Variants in SELENOO observed in about 807,000 individuals in gnomAD.
SELENOO encodes the protein selenoprotein O, also known as protein adenylyltransferase SelO, mitochondrial.
In SELENOO, 74 loss-of-function variants were observed where a neutral mutation model predicts 58.7. The observed-to-expected ratio is 1.26, with a 90% confidence interval of 1.04 to 1.53. SELENOO has a LOEUF of 1.53. SELENOO is among the 40% of genes most tolerant of loss of function. The probability of loss-of-function intolerance (pLI) is 0.00; values close to 1 mark genes in which losing one functional copy is unlikely to be tolerated. For missense variants in SELENOO, 1,149 were observed against 970.0 expected, an observed-to-expected ratio of 1.18 and a Z score of -2.45; for synonymous variants, 543 against 453.2, an observed-to-expected ratio of 1.20 and a Z score of -2.52.
Position 50,208,640 on chromosome 22 carries a change from T to C in SELENOO, c.863T>C (p.Ile288Thr). The change falls in exon 3 of 9, where the codon ATC (isoleucine) becomes ACC (threonine). Residue 288 changes from isoleucine to threonine, a missense_variant. By Grantham distance (89) the Ile-to-Thr change is moderately conservative. Coordinates refer to ENST00000380903, the MANE Select transcript of SELENOO (RefSeq NM_031454.2). ...CGAGTGCAGCTGCTCGACTATGTCA[T>C]CAGCTCCTTTTACCCCGAGATCCAG... Reference protein sequence around the residue: ...DIRVQLLDYVISSFYPEIQAA... With the variant: ...DIRVQLLDYVTSSFYPEIQAA... 1.2e-6 allele frequency: 2 copies of C among 1,613,834 alleles called. No homozygotes were observed. Among genetic ancestry groups the C allele is most frequent in the Non-Finnish European group, 1.7e-6 (2 of 1,179,976 alleles).
At chr22:50,213,348 C>T (rs186823085) in intron 5 of SELENOO, among the ~76,000 whole-genome samples, 241 of 152,306 alleles carry the variant, frequency 1.6e-3, no homozygotes, top group Non-Finnish European at 2.4e-3. Context: ...TGAGCCGCCG[C>T]GCCCAGCCAG....
chr22:50,217,582 A>G lies in SELENOO; in HGVS notation c.*213A>G. ...GTGCAGCCTGGTCCCTGGGGGCTGG[A>G]CCCAGGCTCCTAAATAAACCAGCAA... On this transcript the variant is annotated 3_prime_UTR_variant, in exon 9 of 9. Transcript: ENST00000380903. 1 of 953,410 alleles carries G rather than the reference A, an allele frequency of 1.0e-6. No homozygotes were observed. Among genetic ancestry groups the G allele is most frequent in the Non-Finnish European group, 1.5e-6 (1 of 650,820 alleles). The allele number at this position is 953,410 out of a possible 1,614,324, so 59.1% of individuals were successfully genotyped here.
chr22:50,210,040 C>A, intron 3 of SELENOO, 141 bp from the exon 4 acceptor site: 1 of 943,382 alleles, frequency 1.1e-6, no homozygotes, highest in Non-Finnish European at 1.6e-6. Flanking sequence ...GGTGACAGGA[C>A]ATCAGGAAGA....
In SELENOO at chr22:50,208,387, G is replaced by A. The variant is rs142043755; in HGVS notation, c.759-149G>A. On this transcript the variant is annotated intron_variant, in intron 2 of 8. Coordinates refer to ENST00000380903, the MANE Select transcript of SELENOO (RefSeq NM_031454.2). ...GGAGGTTGTGGTGAGGCGAGATCGC[G>A]CCACTGCACTCCAGCCTGGACAACA... The A allele has an allele frequency of 4.6e-3, 2,995 of 644,256 alleles. 14 individuals are homozygous for A. The highest frequency in any genetic ancestry group is 0.014 in the Middle Eastern group (51 of 3,540). The allele number at this position is 644,256 out of a possible 1,614,324, so 39.9% of individuals were successfully genotyped here.
At chr22:50,215,955 G>A in intron 6 of SELENOO, 88 bp downstream of exon 6, 1 of 1,265,188 alleles carries the variant, frequency 7.9e-7, no homozygotes, top group Non-Finnish European at 1.1e-6. Flanking sequence ...GCTAGAGACA[G>A]AGCTGGCTGG....
At chr22:50,210,412 G>A (rs553449121) in intron 4 of SELENOO, 101 bp downstream of exon 4, 2 of 1,458,590 alleles carry the variant, frequency 1.4e-6, no homozygotes, top group Non-Finnish European at 1.9e-6. Flanking sequence ...GATGCTTGAG[G>A]GGGAGCCGAG....
Position 50,217,012 on chromosome 22 carries a change from G to C in SELENOO, c.1729G>C (p.Ala577Pro). 1 of 1,611,502 alleles carries C rather than the reference G, an allele frequency of 6.2e-7. No individual in the cohort carries two copies. The highest frequency in any genetic ancestry group is 1.7e-5 in the Admixed American group (1 of 60,000). Reference sequence around the variant, plus strand: ...GGACCTGGAAGGCGCTGGGGACGCTGCCGCCTGGCAGGCTGAGCACGTGCG... The same window carrying C: ...GGACCTGGAAGGCGCTGGGGACGCTCCCGCCTGGCAGGCTGAGCACGTGCG... ...DKDLEGAGDA[A>P]AWQAEHVRVM... The change falls in exon 8 of 9, where the codon GCC becomes CCC. Residue 577 changes from alanine (A) to proline (P), a missense_variant. By Grantham distance (27) the Ala-to-Pro change is conservative (BLOSUM62 -1). Transcript: ENST00000380903.
At chr22:50,206,292 T>C in intron 1 of SELENOO, 25 bp from the exon 2 acceptor site, 2 of 1,609,400 alleles carry the variant, frequency 1.2e-6, no homozygotes, top group Non-Finnish European at 1.7e-6. Context: ...CCGGCCCACG[T>C]AGTGAACTCT....
chr22:50,206,923 G>A (rs570373191), intron 2 of SELENOO, among the ~76,000 whole-genome samples: 6 of 152,242 alleles, frequency 3.9e-5, no homozygotes, highest in African/African-American at 1.4e-4. Flanking sequence ...GCCTGAGGCT[G>A]GGGACAGTGT....
In SELENOO at chr22:50,201,075, G is replaced by T. The variant is rs1326824028; in HGVS notation, c.39G>T (p.Ala13=). ...GGGCAGCGCTCGGGGCTTCGCTCGC[G>T]GCTGCCCGACTCTTGCCCCTCGGTC... The part of the protein sequence containing the change: ...VYRAALGASL[A]AARLLPLGRC... Residue 13 remains alanine, a synonymous_variant, in exon 1 of 9, where the codon GCG becomes GCT. Transcript: ENST00000380903. 8.8e-6 allele frequency: 12 copies of T among 1,363,644 alleles called. No homozygotes were observed. Among genetic ancestry groups the T allele is most frequent in the Non-Finnish European group, 8.5e-6 (9 of 1,058,670 alleles). 84.5% of individuals were successfully genotyped at this position (1,363,644 alleles called of 1,614,324 possible). A position where few individuals can be genotyped will look rare whatever the true frequency, so the allele number is the denominator to read the frequency against.
rs1011306815 is a variant in SELENOO, at chr22:50,206,336, G to T, written c.574G>T (p.Val192Phe). 2.5e-6 allele frequency: 4 copies of T among 1,613,782 alleles called. No homozygotes were observed. In the African/African-American group the frequency reaches 5.3e-5, roughly 22 times the overall value. The change falls in exon 2 of 9, where the codon GTC becomes TTC. Residue 192 changes from valine (V) to phenylalanine (F), a missense_variant. By Grantham distance (50) the Val-to-Phe change is conservative (BLOSUM62 -1). Transcript: ENST00000380903. ...PFSRQADGRK[V>F]LRSSIREFLC... ...TTTCAGACAGGCCGACGGTCGCAAG[G>T]TCCTACGGTCAAGCATCCGGGAGTT...
intron 6 of SELENOO, 72 bp downstream of exon 6, chr22:50,215,939 G>C (rs1216443946): frequency 1.7e-5 from 23 of 1,393,154 alleles, no homozygotes; most frequent in Non-Finnish European, 2.3e-5. Context: ...AGAGGCTGGG[G>C]GAGAAGCTAG....
chr22:50,203,203 CT>C, intron 1 of SELENOO, among the ~76,000 whole-genome samples: 1 of 152,266 alleles, frequency 6.6e-6, no homozygotes. Flanking sequence ...AAGACCCTGT[CT>C]CTTCAAAAAA....
In SELENOO at chr22:50,210,880, G is replaced by T. The variant is rs551256883; in HGVS notation, c.1320G>T (p.Val440=). The change falls in exon 5 of 9, where the codon GTG becomes GTT. Residue 440 remains valine (V), a synonymous_variant. Coordinates refer to ENST00000380903, the MANE Select transcript of SELENOO (RefSeq NM_031454.2). ...QVELEEDGAL[V]SKLLETMHLT... Reference sequence around the variant, plus strand: ...AGCTGGAGGAAGACGGGGCGCTGGTGTCCAAGCTCCTGGAGACCATGCATC... The same window carrying T: ...AGCTGGAGGAAGACGGGGCGCTGGTTTCCAAGCTCCTGGAGACCATGCATC... 7 of 1,614,142 alleles carry T rather than the reference G, an allele frequency of 4.3e-6. No homozygotes were observed. Among genetic ancestry groups the T allele is most frequent in the Non-Finnish European group, 5.9e-6 (7 of 1,180,028 alleles).
Position 50,217,528 on chromosome 22 carries a change from ACCCGTCT to A in SELENOO, c.*161_*167del, listed in dbSNP as rs2064432282. The stretch of plus-strand genomic sequence containing the variant: ...GGCAGAGACATCCAGTCAGGACCTG[ACCCGTCT>A]CTGTCTGAGGCCGGCTCAGCAGTGC... On this transcript the variant is annotated 3_prime_UTR_variant, in exon 9 of 9. Transcript: ENST00000380903. 6.6e-6 allele frequency: 7 copies of A among 1,067,432 alleles called. No individual in the cohort carries two copies. The Admixed American group carries it at 2.0e-4, about 30-fold the overall frequency. The allele number at this position is 1,067,432 out of a possible 1,614,324, so 66.1% of individuals were successfully genotyped here. A position where few individuals can be genotyped will look rare whatever the true frequency, so the allele number is the denominator to read the frequency against.
At position 50,210,200 on chromosome 22, in the gene SELENOO, G is replaced by C; in HGVS notation, c.959G>C (p.Arg320Pro). The C allele has an allele frequency of 6.2e-7, 1 of 1,613,394 alleles. No homozygotes were observed. The highest frequency in any genetic ancestry group is 8.5e-7 in the Non-Finnish European group (1 of 1,179,952). ...FFREVTRRTARMVAEWQCVGF... is the reference protein window; with the variant it reads ...FFREVTRRTAPMVAEWQCVGF... ...CCCCAGGTGACGCGGCGCACGGCGCGGATGGTGGCCGAGTGGCAGTGTGTG... is the reference window on the plus strand; with the variant it reads ...CCCCAGGTGACGCGGCGCACGGCGCCGATGGTGGCCGAGTGGCAGTGTGTG... The change falls in exon 4 of 9, where the codon CGG (arginine) becomes CCG (proline). Residue 320 changes from arginine to proline, a missense_variant. By Grantham distance (103) the Arg-to-Pro change is moderately radical. Coordinates refer to ENST00000380903, the MANE Select transcript of SELENOO (RefSeq NM_031454.2).
intron 5 of SELENOO, 97 bp from the exon 6 acceptor site, chr22:50,215,620 C>T: frequency 1.9e-6 from 2 of 1,064,184 alleles, no homozygotes; most frequent in Non-Finnish European, 2.5e-6. Context: ...CCATGCAGCA[C>T]CTGTGCCAGG....
At chr22:50,211,474 C>G (rs1014803551) in intron 5 of SELENOO, among the ~76,000 whole-genome samples, 25 of 152,162 alleles carry the variant, frequency 1.6e-4, no homozygotes, top group African/African-American at 5.8e-4. Context: ...TTGTTCCTGA[C>G]CTTCGGGGAA....
chr22:50,215,428 G>A (rs1456207754), intron 5 of SELENOO, among the ~76,000 whole-genome samples: 3 of 151,844 alleles, frequency 2.0e-5, no homozygotes, highest in Non-Finnish European at 4.4e-5. Context: ...CACCTGTGCT[G>A]GGGGCAGCAT....
Sources: gnomAD v4.1 joint callset for allele counts (sites outside exome capture counted in the v4.1 genomes callset) on GRCh38, gnomAD v4.1.1 for gene constraint, MANE v1.5 for transcripts, NCBI Gene and HGNC (gene_info 2026-07-23, HGNC 2026-07-21) for gene names.